The following PBX3 variants were observed in gnomAD, a reference collection of about 807,000 sequenced individuals.
The protein encoded by PBX3 is pre-B-cell leukemia transcription factor 3.
PBX3 carries 14 observed loss-of-function variants against 48.5 expected under a neutral mutation model. The ratio of observed to expected loss-of-function variants is 0.29; its 90% CI spans 0.19 to 0.45. The LOEUF (loss-of-function observed/expected upper bound fraction) is 0.45. Among genes scored for constraint, PBX3 ranks in the 20% least tolerant of loss-of-function variants. The pLI, the probability that PBX3 is intolerant of heterozygous loss-of-function variation, is 1.00. For missense variants in PBX3, 386 were observed against 546.7 expected, an observed-to-expected ratio of 0.71 and a Z score of 2.93; for synonymous variants, 210 against 200.3, an observed-to-expected ratio of 1.05 and a Z score of -0.41.
At chr9:125,836,758 T>G (rs191360407) in intron 2 of PBX3, among the ~76,000 whole-genome samples, 1 of 152,330 alleles carries the variant, frequency 6.6e-6, no homozygotes, top group Non-Finnish European at 1.5e-5. Flanking sequence ...TGTATTGAAA[T>G]ATCCTACCAT....
intron 5 of PBX3, among the ~76,000 whole-genome samples, chr9:125,942,881 G>A (rs1588322810): frequency 6.6e-6 from 1 of 152,172 alleles, no homozygotes; most frequent in African/African-American, 2.4e-5. Flanking sequence ...AGGCATATCT[G>A]CAAGATTTAA....
At chr9:125,770,681 G>A (rs1836917931) in intron 2 of PBX3, among the ~76,000 whole-genome samples, 2 of 152,174 alleles carry the variant, frequency 1.3e-5, no homozygotes, top group African/African-American at 4.8e-5. Context: ...GATGCAGTTT[G>A]TGTTCAGGCA....
At chr9:125,806,833 G>T (rs1838139313) in intron 2 of PBX3, among the ~76,000 whole-genome samples, 2 of 152,334 alleles carry the variant, frequency 1.3e-5, no homozygotes, top group South Asian at 4.1e-4. Context: ...CAGAGATTTG[G>T]AGTGCAGAAG....
At chr9:125,936,089 C>T (rs1267893686) in intron 5 of PBX3, among the ~76,000 whole-genome samples, 1 of 152,216 alleles carries the variant, frequency 6.6e-6, no homozygotes, top group Non-Finnish European at 1.5e-5. Context: ...GATTTCTTTG[C>T]TTCCTTATTA....
intron 2 of PBX3, among the ~76,000 whole-genome samples, chr9:125,780,406 C>CA (rs1837231839): frequency 1.5e-5 from 1 of 65,040 alleles, no homozygotes; most frequent in Admixed American, 1.5e-4. Flanking sequence ...GCTGGCCGGG[C>CA]GGGGGGCTGA....
At chr9:125,761,562 G>A (rs1426552642) in intron 2 of PBX3, among the ~76,000 whole-genome samples, 1 of 151,754 alleles carries the variant, frequency 6.6e-6, no homozygotes, top group South Asian at 2.1e-4. Context: ...GCATGTCTCC[G>A]TAACATTAGA....
intron 2 of PBX3, among the ~76,000 whole-genome samples, chr9:125,823,668 G>T (rs1838722239): frequency 6.6e-6 from 1 of 152,064 alleles, no homozygotes; most frequent in South Asian, 2.1e-4. Flanking sequence ...GATTAAAAAA[G>T]AATTCTGTAT....
intron 2 of PBX3, among the ~76,000 whole-genome samples, chr9:125,864,504 C>G (rs752126016): frequency 6.6e-6 from 1 of 152,128 alleles, no homozygotes; most frequent in Non-Finnish European, 1.5e-5. Flanking sequence ...ACACAACTTA[C>G]CATAATGTAG....
At chr9:125,873,730 A>G (rs901352672) in intron 2 of PBX3, among the ~76,000 whole-genome samples, 3 of 152,172 alleles carry the variant, frequency 2.0e-5, no homozygotes, top group Non-Finnish European at 4.4e-5. Flanking sequence ...TTTACATTAT[A>G]AAGATTTTTA....
chr9:125,811,340 T>C (rs906534113), intron 2 of PBX3, among the ~76,000 whole-genome samples: 4 of 152,196 alleles, frequency 2.6e-5, no homozygotes, highest in African/African-American at 9.6e-5. Context: ...ATGGTTTGGC[T>C]CTGTGTCCCT....
intron 2 of PBX3, among the ~76,000 whole-genome samples, chr9:125,849,573 C>G (rs962878332): frequency 6.6e-6 from 1 of 151,918 alleles, no homozygotes; most frequent in Admixed American, 6.6e-5. Context: ...CTTCCCTCCT[C>G]ATTTTAGCAT....
chr9:125,923,161 T>C (rs1439096429), intron 3 of PBX3, among the ~76,000 whole-genome samples: 2 of 152,230 alleles, frequency 1.3e-5, no homozygotes, highest in African/African-American at 4.8e-5. Flanking sequence ...AGACACTTTT[T>C]TGCTTTTAAC....
At chr9:125,883,119 T>C (rs1428938636) in intron 2 of PBX3, among the ~76,000 whole-genome samples, 1 of 152,234 alleles carries the variant, frequency 6.6e-6, no homozygotes, top group Non-Finnish European at 1.5e-5. Flanking sequence ...AGTGTTGATG[T>C]AGTTTAAGTC....
intron 2 of PBX3, among the ~76,000 whole-genome samples, chr9:125,877,051 C>T (rs570338016): frequency 4.2e-4 from 64 of 152,134 alleles, no homozygotes; most frequent in Non-Finnish European, 7.4e-4. Context: ...GGATTACAGG[C>T]GTGAGCCACC....
intron 5 of PBX3, chr9:125,949,284 G>T: frequency 6.8e-7 from 1 of 1,477,664 alleles, no homozygotes; most frequent in South Asian, 1.3e-5. Context: ...AATCATGTAT[G>T]AAGAGTGCCT....
intron 2 of PBX3, among the ~76,000 whole-genome samples, chr9:125,787,532 C>G (rs1837489408): frequency 6.6e-6 from 1 of 152,144 alleles, no homozygotes; most frequent in African/African-American, 2.4e-5. Flanking sequence ...TGTCATTTCT[C>G]TAGCAGGTTA....
At chr9:125,942,413 ACTC>A (rs1841975340) in intron 5 of PBX3, among the ~76,000 whole-genome samples, 1 of 152,284 alleles carries the variant, frequency 6.6e-6, no homozygotes, top group African/African-American at 2.4e-5. Flanking sequence ...AGGTCTCTTT[ACTC>A]ATTAAACTAC....
intron 2 of PBX3, among the ~76,000 whole-genome samples, chr9:125,888,320 ATATT>A (rs963089245): frequency 6.6e-6 from 1 of 152,128 alleles, no homozygotes; most frequent in East Asian, 1.9e-4. Context: ...TATTGTACCT[ATATT>A]TAATTAAGCC....
At chr9:125,931,468 T>C (rs984586093) in intron 4 of PBX3, among the ~76,000 whole-genome samples, 2 of 152,080 alleles carry the variant, frequency 1.3e-5, no homozygotes, top group South Asian at 2.1e-4. Flanking sequence ...CGGATAATTT[T>C]TGTATTTTTT....
Sources: allele counts gnomAD v4.1 joint callset (sites outside exome capture counted in the v4.1 genomes callset), GRCh38; gene constraint gnomAD v4.1.1; transcripts MANE v1.5; gene names NCBI Gene and HGNC (gene_info 2026-07-23, HGNC 2026-07-21).